Variants in ADAMTS12 observed in about 807,000 individuals in gnomAD.
The protein encoded by ADAMTS12 is ADAM metallopeptidase with thrombospondin type 1 motif 12.
In ADAMTS12, 118 loss-of-function variants were observed where a neutral mutation model predicts 167.8. The observed-to-expected ratio is 0.70, with a 90% CI of 0.61 to 0.82. The LOEUF is 0.82. Among genes scored for constraint, ADAMTS12 ranks in the 40% least tolerant of loss-of-function variants. ADAMTS12 has a pLI of 0.00. For synonymous variants in ADAMTS12, 704 were observed against 716.9 expected, an observed-to-expected ratio of 0.98 and a Z score of 0.29; for missense variants, 1,916 against 1,998.8, an observed-to-expected ratio of 0.96 and a Z score of 0.79.
rs762409259 is a variant in ADAMTS12 at position 33,615,943 on chromosome 5, A to G, written c.2273T>C (p.Ile758Thr). 1.2e-6 allele frequency: 2 copies of G among 1,614,152 alleles called. No homozygotes were observed. The highest frequency in any genetic ancestry group is 1.7e-6 in the Non-Finnish European group (2 of 1,180,016). The change falls in exon 15 of 24, where the codon ATT becomes ACT. Residue 758 changes from isoleucine to threonine, a missense_variant. Ile to Thr is a moderately conservative substitution (Grantham distance 89). Coordinates refer to ENST00000504830, the MANE Select transcript of ADAMTS12 (RefSeq NM_030955.4). ...PEKYYLNGGF[I>T]IQWNGNYKLA... ...CTTATAGTTCCCGTTCCACTGGATA[A>G]TAAACCCTCCATTCAGGTAATATTT...
intron 19 of ADAMTS12, among the ~76,000 whole-genome samples, chr5:33,565,674 G>GTTTTTTTTT (rs4049324): frequency 3.2e-5 from 4 of 126,308 alleles, no homozygotes; most frequent in Non-Finnish European, 5.0e-5. Context: ...TTTTTTGTTT[G>GTTTTTTTTT]TTTTTTTTTT....
chr5:33,724,580 C>G (rs927624494), intron 3 of ADAMTS12, among the ~76,000 whole-genome samples: 3 of 146,332 alleles, frequency 2.1e-5, no homozygotes, highest in Non-Finnish European at 4.5e-5. Context: ...GAGATGGAGT[C>G]TCGCTCTTTC....
At chr5:33,559,923 G>C (rs371394) in intron 20 of ADAMTS12, among the ~76,000 whole-genome samples, 38,911 of 152,028 alleles carry the variant, frequency 0.26, 5,767 homozygotes, top group East Asian at 0.56. Context: ...AGTGCAGGGA[G>C]TACGCTTTTA....
At chr5:33,879,712 A>C (rs2111769395) in intron 2 of ADAMTS12, among the ~76,000 whole-genome samples, 1 of 152,366 alleles carries the variant, frequency 6.6e-6, no homozygotes, top group Non-Finnish European at 1.5e-5. Flanking sequence ...CATTTATTGT[A>C]CAAAGCAATT....
At chr5:33,809,098 G>T (rs1015920079) in intron 2 of ADAMTS12, among the ~76,000 whole-genome samples, 1 of 152,110 alleles carries the variant, frequency 6.6e-6, no homozygotes, top group African/African-American at 2.4e-5. Flanking sequence ...TTCTTTGCTT[G>T]AAATTGTTTT....
At chr5:33,673,377 C>T (rs997086600) in intron 5 of ADAMTS12, among the ~76,000 whole-genome samples, 10 of 152,164 alleles carry the variant, frequency 6.6e-5, no homozygotes, top group Non-Finnish European at 1.3e-4. Context: ...TCAGCATCCC[C>T]GAAATCTTTT....
chr5:33,710,951 C>A (rs1264744920), intron 3 of ADAMTS12, among the ~76,000 whole-genome samples: 1 of 151,998 alleles, frequency 6.6e-6, no homozygotes, highest in African/African-American at 2.4e-5. Flanking sequence ...TAAGAGACTC[C>A]CCTGCACAGA....
chr5:33,565,678 T>G (rs1310774462), intron 19 of ADAMTS12, among the ~76,000 whole-genome samples: 20 of 148,066 alleles, frequency 1.4e-4, no homozygotes, highest in Middle Eastern at 3.2e-3. Flanking sequence ...TTGTTTGTTT[T>G]TTTTTTTTTT....
intron 16 of ADAMTS12, among the ~76,000 whole-genome samples, chr5:33,611,023 C>T (rs56967802): frequency 1.3e-5 from 2 of 152,106 alleles, no homozygotes; most frequent in East Asian, 3.9e-4. Flanking sequence ...CAAGATCGTG[C>T]CATCCCACTC....
intron 3 of ADAMTS12, among the ~76,000 whole-genome samples, chr5:33,715,431 AG>A (rs970005028): frequency 2.3e-4 from 35 of 152,128 alleles, no homozygotes; most frequent in Non-Finnish European, 2.6e-4. Context: ...GATGGAAATA[AG>A]TTTTTTCTTA....
chr5:33,543,129 A>T (rs1344403112), intron 22 of ADAMTS12, among the ~76,000 whole-genome samples: 4 of 152,222 alleles, frequency 2.6e-5, no homozygotes, highest in Non-Finnish European at 4.4e-5. Flanking sequence ...AGACTAAAAA[A>T]GAAGAAAAGA....
intron 1 of ADAMTS12, among the ~76,000 whole-genome samples, chr5:33,885,426 G>T (rs1349685495): frequency 6.6e-6 from 1 of 152,082 alleles, no homozygotes; most frequent in South Asian, 2.1e-4. Flanking sequence ...CCGAGATCGT[G>T]CCACTGCACT....
intron 14 of ADAMTS12, among the ~76,000 whole-genome samples, chr5:33,619,013 A>G (rs1157072595): frequency 6.6e-6 from 1 of 152,188 alleles, no homozygotes; most frequent in Non-Finnish European, 1.5e-5. Flanking sequence ...TCTGGTCTAG[A>G]GGCTGAATTA....
intron 11 of ADAMTS12, 44 bp from the exon 12 acceptor site, chr5:33,637,790 G>A (rs949660400): frequency 2.4e-5 from 39 of 1,596,194 alleles, no homozygotes; most frequent in South Asian, 4.5e-5. Context: ...TTGCTTCAAC[G>A]CCAGCACTTT....
chr5:33,652,941 CA>C (rs1463859543), intron 7 of ADAMTS12, among the ~76,000 whole-genome samples: 3 of 152,052 alleles, frequency 2.0e-5, no homozygotes, highest in Non-Finnish European at 4.4e-5. Flanking sequence ...TGGGGTCCCC[CA>C]CATATACAAT....
At chr5:33,730,233 A>G (rs1422508555) in intron 3 of ADAMTS12, among the ~76,000 whole-genome samples, 3 of 151,952 alleles carry the variant, frequency 2.0e-5, no homozygotes, top group Admixed American at 1.3e-4. Context: ...GTGGCATTGT[A>G]TAAGTATCAC....
chr5:33,656,750 C>T (rs1343423920), intron 7 of ADAMTS12, among the ~76,000 whole-genome samples: 1 of 152,162 alleles, frequency 6.6e-6, no homozygotes. Flanking sequence ...GGGCCATGTC[C>T]TTCCACATTT....
intron 5 of ADAMTS12, among the ~76,000 whole-genome samples, chr5:33,678,688 A>G (rs1679529879): frequency 6.6e-6 from 1 of 152,188 alleles, no homozygotes; most frequent in Admixed American, 6.5e-5. Flanking sequence ...GAATAGCGAG[A>G]GATGAGAAAG....
chr5:33,845,876 G>T (rs1748923657), intron 2 of ADAMTS12, among the ~76,000 whole-genome samples: 2 of 152,194 alleles, frequency 1.3e-5, no homozygotes, highest in African/African-American at 4.8e-5. Flanking sequence ...GGAAGCAGGA[G>T]AGAGAACGAA....
Sources: allele counts gnomAD v4.1 joint callset (sites outside exome capture counted in the v4.1 genomes callset), GRCh38; gene constraint gnomAD v4.1.1; transcripts MANE v1.5; gene names NCBI Gene and HGNC (gene_info 2026-07-23, HGNC 2026-07-21).